Variants in FASTKD1 observed in about 807,000 individuals in gnomAD.
FASTKD1 encodes FAST kinase domain-containing protein 1, mitochondrial.
FASTKD1 carries 94 observed loss-of-function variants against 90.9 expected under a neutral mutation model. The ratio of observed to expected loss-of-function variants is 1.03; its 90% CI spans 0.88 to 1.23. The LOEUF (loss-of-function observed/expected upper bound fraction) is 1.23, where lower values mean the gene tolerates loss of function less well. Ranked by LOEUF, FASTKD1 falls within the 50% of genes most tolerant of loss-of-function variation. The pLI is 0.00. For synonymous variants in FASTKD1, 319 were observed against 345.8 expected (o/e 0.92, Z 0.86); for missense variants, 945 against 993.5 (o/e 0.95, Z 0.66).
chr2:169,560,330 C>T (rs1485518357), intron 5 of FASTKD1, 57 bp downstream of exon 5: 11 of 1,407,486 alleles, frequency 7.8e-6, no homozygotes, highest in African/African-American at 4.4e-5. Flanking sequence ...GAGACCTAAG[C>T]TTGAAGGCTC....
In FASTKD1 at chr2:169,562,004, C is replaced by CATTAATTTATTGTAAATTAATTATTT. The variant is rs1559157309; in HGVS notation, c.572+1195_572+1220dup. Among the ~76,000 whole-genome samples, 19 of 73,660 alleles carry CATTAATTTATTGTAAATTAATTATTT rather than the reference C, an allele frequency of 2.6e-4. 2 individuals are homozygous for CATTAATTTATTGTAAATTAATTATTT. The highest frequency in any genetic ancestry group is 9.2e-4 in the African/African-American group (17 of 18,440). The allele number at this position is 73,660 out of a possible 152,430, so 48.3% of individuals were successfully genotyped here. On this transcript the variant is annotated intron_variant, in intron 4 of 14. Transcript: ENST00000453153. ...ATTAATTTATTGTAAATTAATTATTCATTAATTTATTGTAAATTAATTATT... is the reference window on the plus strand; with the variant it reads ...ATTAATTTATTGTAAATTAATTATTCATTAATTTATTGTAAATTAATTATTTATTAATTTATTGTAAATTAATTATT...
At chr2:169,550,029 A>T (rs556763115) in intron 7 of FASTKD1, among the ~76,000 whole-genome samples, 1 of 152,188 alleles carries the variant, frequency 6.6e-6, no homozygotes, top group Admixed American at 6.5e-5. Flanking sequence ...GTTGTTATTC[A>T]TCTTTTTTTT....
At chr2:169,542,289 T>C (rs543257687) in intron 9 of FASTKD1, among the ~76,000 whole-genome samples, 15 of 152,266 alleles carry the variant, frequency 9.9e-5, no homozygotes, top group Non-Finnish European at 2.1e-4. Context: ...ATGGAAAGTG[T>C]TGACTGAAAA....
chr2:169,566,180 G>C (rs1472633666), intron 3 of FASTKD1, among the ~76,000 whole-genome samples: 9 of 152,078 alleles, frequency 5.9e-5, no homozygotes, highest in Admixed American at 5.9e-4. Context: ...TCAGCCTTCT[G>C]AGTAGCTGAA....
intron 4 of FASTKD1, 109 bp from the exon 5 acceptor site, chr2:169,560,894 G>T: frequency 1.1e-6 from 1 of 925,010 alleles, no homozygotes; most frequent in Non-Finnish European, 1.5e-6. Context: ...TGTTGCCAGG[G>T]CTGGTCTCAA....
intron 4 of FASTKD1, among the ~76,000 whole-genome samples, chr2:169,561,708 ATAAAT>A (rs1327344066): frequency 6.8e-6 from 1 of 147,276 alleles, no homozygotes; most frequent in African/African-American, 2.5e-5. Context: ...TTAATCTATT[ATAAAT>A]TAATTATTAA....
At position 169,560,413 on chromosome 2, in the gene FASTKD1, G is replaced by C. The variant is rs1464940755; in HGVS notation, c.945C>G (p.Pro315=). The C allele has an allele frequency of 6.5e-7, 1 of 1,548,328 alleles. No homozygotes were observed. The highest frequency in any genetic ancestry group is 1.3e-5 in the South Asian group (1 of 78,852). ...GTTTCTTTTCTTCAGGTCCTGCAAT[G>C]GGTCCCAATGCTACAAACAATTTTA... ...SFVKLFVALG[P]IAGPEEKKQL... The change falls in exon 5 of 15, where the codon CCC becomes CCG. Residue 315 remains proline, a synonymous_variant. Coordinates refer to ENST00000453153, the MANE Select transcript of FASTKD1 (RefSeq NM_024622.6).
chr2:169,554,556 C>T (rs1228166921), intron 7 of FASTKD1, among the ~76,000 whole-genome samples: 4 of 114,016 alleles, frequency 3.5e-5, no homozygotes, highest in Non-Finnish European at 8.5e-5. Context: ...CCCAGCTACT[C>T]GGGAGGCTGA....
chr2:169,564,199 A>T (rs1056117337), intron 3 of FASTKD1, among the ~76,000 whole-genome samples: 4 of 152,196 alleles, frequency 2.6e-5, no homozygotes, highest in African/African-American at 9.6e-5. Flanking sequence ...GAGACACAGT[A>T]ATTGTGAACC....
chr2:169,545,658 A>C (rs1685159260), intron 8 of FASTKD1, among the ~76,000 whole-genome samples: 1 of 152,222 alleles, frequency 6.6e-6, no homozygotes, highest in South Asian at 2.1e-4. Flanking sequence ...GATACCTTAT[A>C]ATTTTCTCAG....
At chr2:169,538,199 A>T (rs1282629207) in intron 10 of FASTKD1, 58 bp from the exon 11 acceptor site, 6 of 1,461,560 alleles carry the variant, frequency 4.1e-6, no homozygotes, top group Non-Finnish European at 5.6e-6. Context: ...AAGACAACCC[A>T]TTTTTTTCAC....
chr2:169,542,464 G>A (rs1024721480), intron 9 of FASTKD1, among the ~76,000 whole-genome samples: 2 of 152,224 alleles, frequency 1.3e-5, no homozygotes, highest in African/African-American at 4.8e-5. Context: ...AAAGGAAAAA[G>A]AAAAAGTAAT....
chr2:169,553,975 CA>C, intron 7 of FASTKD1, among the ~76,000 whole-genome samples: 1 of 151,324 alleles, frequency 6.6e-6, no homozygotes, highest in Non-Finnish European at 1.5e-5. Flanking sequence ...CATGCTGGTT[CA>C]AGCCTGTAAA....
chr2:169,560,615 A>AC lies in FASTKD1; in HGVS notation c.742_743insG (p.Leu248ArgfsTer6). The AC allele has an allele frequency of 4.3e-6, 7 of 1,612,194 alleles. No individual in the cohort carries two copies. The highest frequency in any genetic ancestry group is 5.1e-6 in the Non-Finnish European group (6 of 1,179,356). ...AAATACGTTATTACATCTTTCTAATAGTGGTTGATAACGATATCTAACATT... is the reference window on the plus strand; with the variant it reads ...AAATACGTTATTACATCTTTCTAATACGTGGTTGATAACGATATCTAACATT... On this transcript the variant is annotated frameshift_variant, in exon 5 of 15. Transcript: ENST00000453153. LOFTEE classifies it high-confidence loss of function.
intron 9 of FASTKD1, 51 bp from the exon 10 acceptor site, chr2:169,540,230 T>C: frequency 2.1e-6 from 3 of 1,439,382 alleles, no homozygotes; most frequent in Non-Finnish European, 2.8e-6. Flanking sequence ...CACTTATATA[T>C]ACACTTATAA....
chr2:169,530,252 A>G (rs530634200), intron 14 of FASTKD1, among the ~76,000 whole-genome samples: 2 of 152,326 alleles, frequency 1.3e-5, no homozygotes, highest in Admixed American at 1.3e-4. Flanking sequence ...AGATATAGAA[A>G]TCATAAGATA....
At chr2:169,540,714 G>A (rs185745983) in intron 9 of FASTKD1, among the ~76,000 whole-genome samples, 4 of 152,296 alleles carry the variant, frequency 2.6e-5, no homozygotes, top group Admixed American at 1.3e-4. Context: ...GAAGCAGAGA[G>A]GTTAAATGAC....
intron 3 of FASTKD1, among the ~76,000 whole-genome samples, chr2:169,568,628 TAAAAAAAAAAAAA>T (rs10618482): frequency 1.8e-3 from 76 of 41,548 alleles, no homozygotes; most frequent in Middle Eastern, 0.024. Flanking sequence ...CCCTGTCCAT[TAAAAAAAAAAAAA>T]AAAAAAAAAA....
Position 169,560,702 on chromosome 2 carries a change from A to G in FASTKD1, c.656T>C (p.Leu219Pro), listed in dbSNP as rs1319722580. 6.2e-7 allele frequency: 1 copy of G among 1,610,820 alleles called. No individual in the cohort carries two copies. The highest frequency in any genetic ancestry group is 1.7e-5 in the Admixed American group (1 of 59,358). The change falls in exon 5 of 15, where the codon CTT becomes CCT. Residue 219 changes from leucine to proline, a missense_variant. Physicochemically the swap from Leu to Pro is moderately conservative, Grantham distance 98. Coordinates refer to ENST00000453153, the MANE Select transcript of FASTKD1 (RefSeq NM_024622.6). ...QQQLVNKTELLFDTIDSSEVN... is the reference protein window; with the variant it reads ...QQQLVNKTELPFDTIDSSEVN... ...CTCAGAAGAATCTATGGTGTCAAAA[A>G]GAAGTTCTGTTTTGTTCACCAGTTG...
Sources: gnomAD v4.1 joint callset for allele counts (sites outside exome capture counted in the v4.1 genomes callset) on GRCh38, gnomAD v4.1.1 for gene constraint, MANE v1.5 for transcripts, NCBI Gene and HGNC (gene_info 2026-07-23, HGNC 2026-07-21) for gene names.